The following RBFOX1 variants were observed in gnomAD, a reference collection of about 807,000 sequenced individuals.
RBFOX1 encodes RNA binding fox-1 homolog 1, also known as RNA binding protein fox-1 homolog 1.
RBFOX1 carries 8 observed loss-of-function variants against 57.7 expected under a neutral mutation model. That is an observed-to-expected ratio of 0.14 (90% CI 0.08 to 0.25). The LOEUF (loss-of-function observed/expected upper bound fraction) is 0.25, where lower values mean the gene tolerates loss of function less well. Ranked by LOEUF, RBFOX1 falls within the 10% of genes least tolerant of loss-of-function variation. The pLI is 1.00. For missense variants in RBFOX1, 611 were observed against 548.5 expected, an observed-to-expected ratio of 1.11 and a Z score of -1.14; for synonymous variants, 326 against 222.4, an observed-to-expected ratio of 1.47 and a Z score of -4.15.
intron 3 of RBFOX1, among the ~76,000 whole-genome samples, chr16:5,620,685 A>AT (rs142416512): frequency 0.05 from 7,606 of 151,850 alleles, 652 homozygotes; most frequent in African/African-American, 0.17. Context: ...TTACTCATTT[A>AT]TTTTTTTGGT....
At chr16:6,836,612 A>G (rs1360752460) in intron 3 of RBFOX1, among the ~76,000 whole-genome samples, 2 of 152,156 alleles carry the variant, frequency 1.3e-5, no homozygotes, top group Admixed American at 6.5e-5. Context: ...CAAGGGGTGT[A>G]TCTTCTGTGA....
chr16:6,734,055 T>A (rs1412362922), intron 3 of RBFOX1, among the ~76,000 whole-genome samples: 1 of 152,248 alleles, frequency 6.6e-6, no homozygotes, highest in Non-Finnish European at 1.5e-5. Context: ...CATGGTCATT[T>A]TAGAGAACTT....
intron 4 of RBFOX1, among the ~76,000 whole-genome samples, chr16:7,256,560 G>T (rs1025841792): frequency 1.3e-5 from 2 of 151,946 alleles, no homozygotes; most frequent in Admixed American, 6.6e-5. Context: ...CTGTATGTCT[G>T]TTTATACCAT....
intron 2 of RBFOX1, among the ~76,000 whole-genome samples, chr16:5,523,776 T>C (rs1471669568): frequency 2.6e-5 from 4 of 152,202 alleles, no homozygotes; most frequent in Non-Finnish European, 5.9e-5. Context: ...TCATAACATT[T>C]CCTCTTACTG....
At position 6,940,763 on chromosome 16, in the gene RBFOX1, A is replaced by AGTGTGTGTGTGT. The variant is rs61349150; in HGVS notation, c.-15-111257_-15-111246dup. ...CAGGCGCCCGCCACCATGTCCCGCT[A>AGTGTGTGTGTGT]GTGTGTGTGTGTGTGTGTGTGTGTG... On this transcript the variant is annotated intron_variant, in intron 3 of 15. Coordinates refer to ENST00000550418, the MANE Select transcript of RBFOX1 (RefSeq NM_018723.4). 4.6e-3 allele frequency among the ~76,000 whole-genome samples: 530 copies of AGTGTGTGTGTGT among 114,438 alleles called. 10 individuals are homozygous for AGTGTGTGTGTGT. Among genetic ancestry groups the AGTGTGTGTGTGT allele is most frequent in the South Asian group, 6.2e-3 (19 of 3,066 alleles). 75.1% of individuals were successfully genotyped at this position (114,438 alleles called of 152,430 possible).
At chr16:6,523,967 G>A (rs969046283) in intron 2 of RBFOX1, among the ~76,000 whole-genome samples, 1 of 152,122 alleles carries the variant, frequency 6.6e-6, no homozygotes, top group Non-Finnish European at 1.5e-5. Context: ...GGAGAATGGG[G>A]TCTTCATCCC....
At chr16:6,883,332 A>G (rs1421318257) in intron 3 of RBFOX1, among the ~76,000 whole-genome samples, 1 of 152,170 alleles carries the variant, frequency 6.6e-6, no homozygotes, top group African/African-American at 2.4e-5. Flanking sequence ...GAATGAGTTA[A>G]TAAGGCAGAT....
intron 3 of RBFOX1, among the ~76,000 whole-genome samples, chr16:6,910,650 G>C (rs961328508): frequency 6.6e-6 from 1 of 152,146 alleles, no homozygotes; most frequent in Non-Finnish European, 1.5e-5. Context: ...AGTTTCTAGA[G>C]GCCACCTGGA....
chr16:5,314,416 C>A (rs1002789604), intron 1 of RBFOX1, among the ~76,000 whole-genome samples: 1 of 152,244 alleles, frequency 6.6e-6, no homozygotes, highest in Non-Finnish European at 1.5e-5. Context: ...CTTGAGGGAT[C>A]TGGGAGAAGC....
chr16:6,350,838 A>G (rs1363713993), intron 2 of RBFOX1, among the ~76,000 whole-genome samples: 1 of 152,210 alleles, frequency 6.6e-6, no homozygotes, highest in Non-Finnish European at 1.5e-5. Flanking sequence ...CTAGCTCACA[A>G]GTGGATGCAT....
In RBFOX1 at chr16:5,948,271, G is replaced by A. The variant is rs139687972; in HGVS notation, c.351+80936G>A. 8.5e-5 allele frequency among the ~76,000 whole-genome samples: 13 copies of A among 152,294 alleles called. No individual in the cohort carries two copies. The East Asian group carries it at 2.5e-3, about 29-fold the overall frequency. On this transcript the variant is annotated intron_variant, in intron 4 of 19. Transcript: ENST00000641259. ...TTCTATGGAAGGCTTTGCTGCTGCT[G>A]ATTTGTAATTGAGTTCAAGGAGAGG...
At chr16:7,293,423 G>A (rs1037881761) in intron 4 of RBFOX1, among the ~76,000 whole-genome samples, 1 of 152,156 alleles carries the variant, frequency 6.6e-6, no homozygotes, top group African/African-American at 2.4e-5. Flanking sequence ...ATCCTTGTCT[G>A]TGTTTTTAAA....
intron 2 of RBFOX1, among the ~76,000 whole-genome samples, chr16:6,318,626 C>A (rs896957088): frequency 6.6e-6 from 1 of 152,016 alleles, no homozygotes; most frequent in Non-Finnish European, 1.5e-5. Context: ...CAACCCTGCA[C>A]TGGGATTGAA....
intron 1 of RBFOX1, among the ~76,000 whole-genome samples, chr16:6,227,338 T>C (rs1239769105): frequency 6.6e-6 from 1 of 152,222 alleles, no homozygotes; most frequent in African/African-American, 2.4e-5. Context: ...TTGCCGGTGC[T>C]GCAGGCTTTG....
Position 7,657,174 on chromosome 16 carries a change from T to C in RBFOX1, c.890+3227T>C, listed in dbSNP as rs372082574. Among the ~76,000 whole-genome samples, 9 of 152,272 alleles carry C rather than the reference T, an allele frequency of 5.9e-5. No individual in the cohort carries two copies. In the East Asian group the frequency reaches 7.7e-4, roughly 13 times the overall value. On this transcript the variant is annotated intron_variant, in intron 12 of 15. Transcript: ENST00000550418. The stretch of plus-strand genomic sequence containing the variant: ...TCCACATTTTCTTCCTCCTGGGAGA[T>C]TGAAGAAAATATCCTTTAGGATCTC...
chr16:5,434,784 A>G (rs2067866160), intron 1 of RBFOX1, among the ~76,000 whole-genome samples: 1 of 152,202 alleles, frequency 6.6e-6, no homozygotes, highest in Non-Finnish European at 1.5e-5. Flanking sequence ...CTGACTTTGC[A>G]TAGTTATATA....
intron 4 of RBFOX1, among the ~76,000 whole-genome samples, chr16:7,187,690 C>CAG (rs2084254667): frequency 1.4e-5 from 1 of 72,566 alleles, no homozygotes; most frequent in African/African-American, 6.3e-5. Flanking sequence ...CTCTGTCTCA[C>CAG]AAAAAAAAAA....
chr16:6,477,111 G>C (rs546419436), intron 2 of RBFOX1, among the ~76,000 whole-genome samples: 4 of 152,238 alleles, frequency 2.6e-5, no homozygotes, highest in Admixed American at 6.5e-5. Flanking sequence ...CTGAAGTCTT[G>C]AACCCTTCAA....
At chr16:5,392,607 C>T (rs181122455) in intron 1 of RBFOX1, among the ~76,000 whole-genome samples, 3 of 151,266 alleles carry the variant, frequency 2.0e-5, no homozygotes, top group East Asian at 1.9e-4. Flanking sequence ...GGTGCAATCA[C>T]GACTCACTGA....
Sources: allele counts gnomAD v4.1 joint callset (sites outside exome capture counted in the v4.1 genomes callset), GRCh38; gene constraint gnomAD v4.1.1; transcripts MANE v1.5; gene names NCBI Gene and HGNC (gene_info 2026-07-23, HGNC 2026-07-21).